Variants in TMEM108 observed in about 807,000 individuals in gnomAD.
TMEM108 encodes cancer/testis antigen 124.
TMEM108 carries 12 observed loss-of-function variants against 35.1 expected under a neutral mutation model. That is an observed-to-expected ratio of 0.34 (90% confidence interval 0.22 to 0.55). The LOEUF (loss-of-function observed/expected upper bound fraction) is 0.55. TMEM108 is among the 20% of genes least tolerant of loss of function. TMEM108 has a pLI of 0.89. For missense variants in TMEM108, 680 were observed against 753.3 expected (o/e 0.90, Z 1.14); for synonymous variants, 287 against 308.6 (o/e 0.93, Z 0.73).
At chr3:133,100,138 A>G (rs910065346) in intron 2 of TMEM108, among the ~76,000 whole-genome samples, 6 of 152,204 alleles carry the variant, frequency 3.9e-5, no homozygotes, top group Non-Finnish European at 2.9e-5. Flanking sequence ...GGCAGCGGCG[A>G]GAGAAAAATG....
chr3:133,290,096 A>C (rs1947041683), intron 3 of TMEM108, among the ~76,000 whole-genome samples: 1 of 151,672 alleles, frequency 6.6e-6, no homozygotes, highest in Non-Finnish European at 1.5e-5. Context: ...GTAAGCATGC[A>C]TCCTATTAGA....
intron 2 of TMEM108, among the ~76,000 whole-genome samples, chr3:133,112,034 T>C (rs1944231159): frequency 6.6e-6 from 1 of 152,142 alleles, no homozygotes; most frequent in African/African-American, 2.4e-5. Context: ...TTTATATGCT[T>C]TATCCACATT....
At chr3:133,038,887 C>G (rs942161348) in intron 1 of TMEM108, among the ~76,000 whole-genome samples, 5 of 152,212 alleles carry the variant, frequency 3.3e-5, no homozygotes, top group Non-Finnish European at 5.9e-5. Context: ...TCGAACTAAT[C>G]CTGCGGCCGC....
chr3:133,329,370 A>G (rs1043120046), intron 3 of TMEM108, among the ~76,000 whole-genome samples: 1 of 152,170 alleles, frequency 6.6e-6, no homozygotes, highest in Admixed American at 6.5e-5. Context: ...ATTTTTCCCT[A>G]TGCAGGTGAC....
intron 2 of TMEM108, among the ~76,000 whole-genome samples, chr3:133,179,042 G>A (rs372774915): frequency 2.0e-5 from 3 of 151,954 alleles, no homozygotes; most frequent in East Asian, 1.9e-4. Flanking sequence ...GCAGCCAAAA[G>A]ACACATGAAA....
intron 1 of TMEM108, among the ~76,000 whole-genome samples, chr3:133,039,485 T>C (rs747422157): frequency 6.6e-6 from 1 of 152,166 alleles, no homozygotes; most frequent in African/African-American, 2.4e-5. Context: ...AGATGGATTG[T>C]TGCCTTTAAA....
intron 2 of TMEM108, among the ~76,000 whole-genome samples, chr3:133,146,672 T>G (rs1400401359): frequency 2.0e-5 from 3 of 152,250 alleles, no homozygotes; most frequent in African/African-American, 7.2e-5. Flanking sequence ...GGGATTCGAC[T>G]TCTTCCTGGT....
intron 3 of TMEM108, among the ~76,000 whole-genome samples, chr3:133,233,309 A>G (rs1195921656): frequency 4.6e-5 from 7 of 152,160 alleles, no homozygotes; most frequent in South Asian, 2.1e-4. Flanking sequence ...TTGTTCTTGC[A>G]ATAGTTTACT....
intron 2 of TMEM108, among the ~76,000 whole-genome samples, chr3:133,201,881 C>T (rs1945671653): frequency 6.6e-6 from 1 of 152,194 alleles, no homozygotes; most frequent in Non-Finnish European, 1.5e-5. Context: ...GCCACACTGT[C>T]TTCCAAATGG....
At position 133,340,405 on chromosome 3, in the gene TMEM108, C is replaced by T. The variant is rs968754482; in HGVS notation, c.41-39347C>T. Among the ~76,000 whole-genome samples, 7 of 151,586 alleles carry T rather than the reference C, an allele frequency of 4.6e-5. No homozygotes were observed. In the East Asian group the frequency reaches 5.8e-4, roughly 13 times the overall value. Reference sequence around the variant, plus strand: ...ACCATGAAGAAATCCAAAACTTGAACGGACTAATAACAAATAACAAGAGCA... The same window carrying T: ...ACCATGAAGAAATCCAAAACTTGAATGGACTAATAACAAATAACAAGAGCA... On this transcript the variant is annotated intron_variant, in intron 3 of 5. Coordinates refer to ENST00000321871, the MANE Select transcript of TMEM108 (RefSeq NM_023943.4).
intron 2 of TMEM108, among the ~76,000 whole-genome samples, chr3:133,056,364 T>C (rs143387399): frequency 6.6e-6 from 1 of 152,186 alleles, no homozygotes; most frequent in Non-Finnish European, 1.5e-5. Flanking sequence ...TGTGGCCAGA[T>C]AGATCTGCAT....
intron 3 of TMEM108, among the ~76,000 whole-genome samples, chr3:133,284,501 G>A (rs902833559): frequency 1.3e-5 from 2 of 152,044 alleles, no homozygotes; most frequent in African/African-American, 4.8e-5. Context: ...GTCTTCAAAT[G>A]GCCACCTTCA....
intron 3 of TMEM108, among the ~76,000 whole-genome samples, chr3:133,354,362 C>T (rs796957356): frequency 1.1e-4 from 16 of 152,252 alleles, no homozygotes; most frequent in South Asian, 1.0e-3. Flanking sequence ...ACCCAAGAGA[C>T]CTGGCCAGGC....
chr3:133,086,696 C>T (rs1943886398), intron 2 of TMEM108, among the ~76,000 whole-genome samples: 1 of 152,150 alleles, frequency 6.6e-6, no homozygotes, highest in Non-Finnish European at 1.5e-5. Flanking sequence ...TCTGGTACTG[C>T]CAGAGATCAT....
At chr3:133,389,279 G>C (rs1294462550) in intron 4 of TMEM108, 2 of 985,354 alleles carry the variant, frequency 2.0e-6, no homozygotes, top group African/African-American at 1.7e-5. Flanking sequence ...GGGATGAACA[G>C]ACAGGGTCAC....
intron 3 of TMEM108, among the ~76,000 whole-genome samples, chr3:133,236,230 T>C (rs757428112): frequency 2.0e-5 from 3 of 152,130 alleles, no homozygotes; most frequent in Non-Finnish European, 4.4e-5. Context: ...AGCTCATTCA[T>C]GCACCCTTTG....
intron 2 of TMEM108, among the ~76,000 whole-genome samples, chr3:133,162,290 C>T (rs1201671578): frequency 6.6e-6 from 1 of 152,132 alleles, no homozygotes; most frequent in African/African-American, 2.4e-5. Flanking sequence ...TATAGGTCCT[C>T]CTTTGGAACC....
chr3:133,199,151 G>T, intron 2 of TMEM108, among the ~76,000 whole-genome samples: 1 of 152,090 alleles, frequency 6.6e-6, no homozygotes. Context: ...GTCCCTTAAG[G>T]ACTTCTCTGC....
chr3:133,216,009 C>T (rs1945902515), intron 2 of TMEM108, among the ~76,000 whole-genome samples: 2 of 151,984 alleles, frequency 1.3e-5, no homozygotes, highest in South Asian at 4.1e-4. Flanking sequence ...TTTATAGAGG[C>T]TTTAGAGTAT....
Sources: gnomAD v4.1 joint callset for allele counts (sites outside exome capture counted in the v4.1 genomes callset) on GRCh38, gnomAD v4.1.1 for gene constraint, MANE v1.5 for transcripts, NCBI Gene and HGNC (gene_info 2026-07-23, HGNC 2026-07-21) for gene names.